The following NCAM2 variants were observed in gnomAD, a reference collection of about 807,000 sequenced individuals.
The protein encoded by NCAM2 is neural cell adhesion molecule 2.
NCAM2 carries 30 observed loss-of-function variants against 98.1 expected under a neutral mutation model. The observed-to-expected ratio is 0.31, with a 90% CI of 0.23 to 0.41. NCAM2 has a LOEUF of 0.41. NCAM2 is among the 10% of genes least tolerant of loss of function. The probability of loss-of-function intolerance (pLI) is 1.00; values close to 1 mark genes in which losing one functional copy is unlikely to be tolerated. For missense variants in NCAM2, 867 were observed against 1,005.8 expected, an observed-to-expected ratio of 0.86 and a Z score of 1.87; for synonymous variants, 368 against 342.4, an observed-to-expected ratio of 1.07 and a Z score of -0.83.
chr21:21,534,515 A>G, intron 16 of NCAM2, 22 bp from the exon 17 acceptor site: 1 of 1,540,666 alleles, frequency 6.5e-7, no homozygotes, highest in Non-Finnish European at 8.8e-7. Context: ...CACAGGTGAG[A>G]TGTTTCTCTT....
intron 1 of NCAM2, among the ~76,000 whole-genome samples, chr21:21,235,359 AT>A (rs781292381): frequency 6.6e-6 from 1 of 152,022 alleles, no homozygotes; most frequent in Non-Finnish European, 1.5e-5. Flanking sequence ...AAATAGTTTT[AT>A]TTATTTCTTC....
At chr21:21,273,026 T>C (rs993725654) in intron 1 of NCAM2, among the ~76,000 whole-genome samples, 1 of 144,830 alleles carries the variant, frequency 6.9e-6, no homozygotes, top group African/African-American at 2.6e-5. Context: ...AATTAAAATA[T>C]AGAAAAGGGA....
At chr21:21,505,102 A>G (rs1569125552) in intron 15 of NCAM2, among the ~76,000 whole-genome samples, 1 of 152,104 alleles carries the variant, frequency 6.6e-6, no homozygotes. Flanking sequence ...TTTCATAAAA[A>G]TAACTTCAAG....
intron 1 of NCAM2, among the ~76,000 whole-genome samples, chr21:21,178,135 A>G (rs1405729484): frequency 6.6e-6 from 1 of 152,166 alleles, no homozygotes; most frequent in African/African-American, 2.4e-5. Context: ...TACAAAATAA[A>G]AACAATTTAT....
intron 12 of NCAM2, among the ~76,000 whole-genome samples, chr21:21,436,211 G>A (rs1022503595): frequency 2.6e-4 from 40 of 152,112 alleles, no homozygotes. Flanking sequence ...TGACTGAAAC[G>A]TTCTACTTTA....
chr21:21,170,753 T>C (rs1569104521), intron 1 of NCAM2, among the ~76,000 whole-genome samples: 1 of 152,184 alleles, frequency 6.6e-6, no homozygotes. Context: ...ATGTAAGCCA[T>C]AGACTTTGCA....
At chr21:21,137,756 TA>T (rs968113750) in intron 1 of NCAM2, among the ~76,000 whole-genome samples, 93 of 151,872 alleles carry the variant, frequency 6.1e-4, no homozygotes, top group Non-Finnish European at 6.0e-4. Context: ...GAAACTCCAT[TA>T]AAAAAAATGT....
At chr21:21,450,589 C>A (rs575520007) in intron 12 of NCAM2, among the ~76,000 whole-genome samples, 1 of 152,158 alleles carries the variant, frequency 6.6e-6, no homozygotes, top group South Asian at 2.1e-4. Flanking sequence ...CTCAGCCTCC[C>A]AAATCACCGG....
intron 2 of NCAM2, among the ~76,000 whole-genome samples, chr21:21,283,874 T>G (rs1338185759): frequency 6.6e-6 from 1 of 151,908 alleles, no homozygotes; most frequent in African/African-American, 2.4e-5. Flanking sequence ...GTCAAGGAAG[T>G]TTCAGAACTT....
intron 16 of NCAM2, among the ~76,000 whole-genome samples, 160 bp downstream of exon 16, chr21:21,509,215 A>G (rs1988202658): frequency 6.6e-6 from 1 of 152,120 alleles, no homozygotes; most frequent in Non-Finnish European, 1.5e-5. Context: ...GAAACTATGT[A>G]TCCTTATATA....
intron 17 of NCAM2, among the ~76,000 whole-genome samples, 184 bp downstream of exon 17, chr21:21,534,840 C>G (rs1989897760): frequency 6.6e-6 from 1 of 151,962 alleles, no homozygotes; most frequent in Non-Finnish European, 1.5e-5. Context: ...TTCATGAAAA[C>G]TTTGTATGAA....
intron 5 of NCAM2, among the ~76,000 whole-genome samples, chr21:21,294,355 G>A (rs2073400949): frequency 6.6e-6 from 1 of 151,680 alleles, no homozygotes; most frequent in South Asian, 2.1e-4. Context: ...TTTATTTCAG[G>A]ATGTATAAGG....
chr21:21,331,201 A>G (rs2074668672), intron 6 of NCAM2, among the ~76,000 whole-genome samples: 1 of 151,814 alleles, frequency 6.6e-6, no homozygotes. Context: ...GCAGGAGTGC[A>G]GTGGCACTCA....
chr21:21,053,322 A>AT (rs2065148275), intron 1 of NCAM2, among the ~76,000 whole-genome samples: 1 of 151,970 alleles, frequency 6.6e-6, no homozygotes, highest in African/African-American at 2.4e-5. Flanking sequence ...CAATATTTTC[A>AT]TTGCATCCAT....
intron 15 of NCAM2, among the ~76,000 whole-genome samples, chr21:21,492,128 C>T (rs543188454): frequency 6.6e-6 from 1 of 151,630 alleles, no homozygotes; most frequent in Non-Finnish European, 1.5e-5. Context: ...TATAACCAAA[C>T]TCTATTATTT....
chr21:21,200,180 A>G (rs1394526314), intron 1 of NCAM2, among the ~76,000 whole-genome samples: 2 of 152,134 alleles, frequency 1.3e-5, no homozygotes, highest in Non-Finnish European at 2.9e-5. Context: ...AACAATCCCC[A>G]TGAAACCCAG....
At chr21:21,431,510 T>C (rs1484767143) in intron 11 of NCAM2, among the ~76,000 whole-genome samples, 1 of 152,108 alleles carries the variant, frequency 6.6e-6, no homozygotes, top group African/African-American at 2.4e-5. Flanking sequence ...ATGGGAATAG[T>C]ATTTTAATAT....
chr21:21,142,798 T>G (rs1369232065), intron 1 of NCAM2, among the ~76,000 whole-genome samples: 1 of 152,240 alleles, frequency 6.6e-6, no homozygotes, highest in Non-Finnish European at 1.5e-5. Context: ...CACTTTTATT[T>G]TTTCCCTTAT....
intron 12 of NCAM2, among the ~76,000 whole-genome samples, chr21:21,458,313 C>A (rs991480747): frequency 2.0e-5 from 3 of 152,214 alleles, no homozygotes; most frequent in African/African-American, 7.2e-5. Context: ...CACAATGTGC[C>A]CCCAGGCCCT....
Sources: allele counts gnomAD v4.1 joint callset (sites outside exome capture counted in the v4.1 genomes callset), GRCh38; gene constraint gnomAD v4.1.1; transcripts MANE v1.5; gene names NCBI Gene and HGNC (gene_info 2026-07-23, HGNC 2026-07-21).